The following CACNA2D3 variants were observed in gnomAD, a reference collection of about 807,000 sequenced individuals.
CACNA2D3 encodes voltage-dependent calcium channel subunit alpha-2/delta-3.
A neutral mutation model predicts 160.6 loss-of-function variants in CACNA2D3; 60 were observed. The ratio of observed to expected loss-of-function variants is 0.37; its 90% CI spans 0.30 to 0.46. The LOEUF is 0.46. CACNA2D3 is among the 20% of genes least tolerant of loss of function. The pLI is 1.00. For synonymous variants in CACNA2D3, 558 were observed against 492.9 expected (o/e 1.13, Z -1.75); for missense variants, 1,205 against 1,365.0 (o/e 0.88, Z 1.85).
intron 27 of CACNA2D3, among the ~76,000 whole-genome samples, chr3:54,938,198 C>G (rs980893780): frequency 6.6e-6 from 1 of 152,248 alleles, no homozygotes; most frequent in African/African-American, 2.4e-5. Context: ...CAAGGAAGAA[C>G]CAGCCCTGCT....
At chr3:54,822,761 TCTTTCTTTCTTTCTTTCTTTCTTTCTTTC>T (rs1559595444) in intron 14 of CACNA2D3, among the ~76,000 whole-genome samples, 12 of 84,318 alleles carry the variant, frequency 1.4e-4, no homozygotes, top group East Asian at 3.5e-4. Context: ...TTTCTTTCTT[TCTTTCTTTCTTTCTTTCTTTCTTTCTTTC>T]CTTTCTTTCT....
chr3:55,024,969 C>G (rs1424761161), intron 35 of CACNA2D3, among the ~76,000 whole-genome samples: 1 of 152,122 alleles, frequency 6.6e-6, no homozygotes, highest in East Asian at 1.9e-4. Flanking sequence ...TGATTGAGAT[C>G]CTTTTTGACC....
intron 27 of CACNA2D3, among the ~76,000 whole-genome samples, chr3:54,922,810 C>T (rs1278034568): frequency 1.3e-5 from 2 of 152,150 alleles, no homozygotes; most frequent in Non-Finnish European, 2.9e-5. Flanking sequence ...CTCCCCAACA[C>T]ACTCACTCAC....
intron 2 of CACNA2D3, among the ~76,000 whole-genome samples, chr3:54,246,886 T>G (rs1702091954): frequency 6.6e-6 from 1 of 152,176 alleles, no homozygotes; most frequent in Admixed American, 6.5e-5. Flanking sequence ...TTAATTTCAC[T>G]TAACAACAAG....
At chr3:54,767,052 T>G (rs1702239200) in intron 13 of CACNA2D3, among the ~76,000 whole-genome samples, 1 of 151,446 alleles carries the variant, frequency 6.6e-6, no homozygotes, top group African/African-American at 2.4e-5. Context: ...ACCTCCCACA[T>G]CTTATTAGGA....
chr3:54,790,109 C>T (rs1420183531), intron 13 of CACNA2D3, among the ~76,000 whole-genome samples: 1 of 152,200 alleles, frequency 6.6e-6, no homozygotes, highest in Non-Finnish European at 1.5e-5. Flanking sequence ...GTTAGGAACA[C>T]AGGCCCTGGA....
At chr3:54,927,785 A>G (rs556072641) in intron 27 of CACNA2D3, 2 of 1,050,010 alleles carry the variant, frequency 1.9e-6, no homozygotes, top group Admixed American at 1.7e-5. Flanking sequence ...CATTTTTCAT[A>G]TCTGTCCAGT....
In CACNA2D3 at chr3:54,286,856, A is replaced by C. The variant is rs538093853; in HGVS notation, c.205-33586A>C. ...TTCGTAAGTGAAGGAGAAATAAAAT[A>C]CTTTACAGACAAGCAAATGCTGAGA... On this transcript the variant is annotated intron_variant, in intron 2 of 37. Coordinates refer to ENST00000474759, the MANE Select transcript of CACNA2D3 (RefSeq NM_018398.3). Among the ~76,000 whole-genome samples, 41 of 152,150 alleles carry C rather than the reference A, an allele frequency of 2.7e-4. 1 individual carries two copies. The highest frequency in any genetic ancestry group is 6.8e-3 in the Middle Eastern group (2 of 294).
At chr3:54,218,982 T>C (rs1701515285) in intron 2 of CACNA2D3, among the ~76,000 whole-genome samples, 1 of 152,210 alleles carries the variant, frequency 6.6e-6, no homozygotes, top group African/African-American at 2.4e-5. Context: ...CAAAGTCTCT[T>C]TTTTCATGTA....
At chr3:54,411,720 A>C (rs113077611) in intron 4 of CACNA2D3, among the ~76,000 whole-genome samples, 1 of 152,192 alleles carries the variant, frequency 6.6e-6, no homozygotes, top group Non-Finnish European at 1.5e-5. Context: ...CTAAACCTAC[A>C]GTATCTCTGA....
Position 54,328,357 on chromosome 3 carries a change from C to G in CACNA2D3, c.321+7799C>G, listed in dbSNP as rs1704165396. 2.0e-5 allele frequency among the ~76,000 whole-genome samples: 3 copies of G among 152,228 alleles called. No individual in the cohort carries two copies. The South Asian group carries it at 6.2e-4, about 32-fold the overall frequency. Reference sequence around the variant, plus strand: ...AGTGCAATGGCCCGATCTTGGCTCACTGCCACCTCCGCCTCCCGGGTTCAA... The same window carrying G: ...AGTGCAATGGCCCGATCTTGGCTCAGTGCCACCTCCGCCTCCCGGGTTCAA... On this transcript the variant is annotated intron_variant, in intron 3 of 37. Transcript: ENST00000474759.
At chr3:54,578,936 T>G (rs1259894627) in intron 8 of CACNA2D3, among the ~76,000 whole-genome samples, 1 of 152,114 alleles carries the variant, frequency 6.6e-6, no homozygotes, top group Non-Finnish European at 1.5e-5. Context: ...TGAAGGTGAA[T>G]TAGTGTATTC....
At chr3:54,424,506 C>A (rs1699884890) in intron 4 of CACNA2D3, among the ~76,000 whole-genome samples, 1 of 152,172 alleles carries the variant, frequency 6.6e-6, no homozygotes, top group African/African-American at 2.4e-5. Context: ...TCCTGATGGG[C>A]CTGAGCCTCT....
At chr3:54,441,679 A>G (rs1444307769) in intron 4 of CACNA2D3, among the ~76,000 whole-genome samples, 2 of 152,174 alleles carry the variant, frequency 1.3e-5, no homozygotes, top group East Asian at 3.9e-4. Flanking sequence ...AAGGTGTATA[A>G]TTCATTGCAC....
chr3:54,554,388 C>T (rs946996425), intron 5 of CACNA2D3, among the ~76,000 whole-genome samples: 6 of 152,088 alleles, frequency 3.9e-5, no homozygotes, highest in African/African-American at 9.7e-5. Flanking sequence ...CAATATTTGT[C>T]GAGTAAACAA....
At chr3:54,615,295 C>G (rs564485755) in intron 9 of CACNA2D3, among the ~76,000 whole-genome samples, 1 of 152,202 alleles carries the variant, frequency 6.6e-6, no homozygotes, top group Non-Finnish European at 1.5e-5. Context: ...GAATGAATAG[C>G]AAATAAATAA....
intron 13 of CACNA2D3, among the ~76,000 whole-genome samples, chr3:54,802,475 C>G (rs913389475): frequency 6.6e-6 from 1 of 152,100 alleles, no homozygotes; most frequent in Non-Finnish European, 1.5e-5. Context: ...GAAATTACTC[C>G]TGAGTATTTT....
At chr3:54,603,049 G>C (rs921338609) in intron 9 of CACNA2D3, among the ~76,000 whole-genome samples, 1 of 152,122 alleles carries the variant, frequency 6.6e-6, no homozygotes, top group Non-Finnish European at 1.5e-5. Context: ...CTCTCTGTTC[G>C]GTGTCACTAT....
intron 2 of CACNA2D3, among the ~76,000 whole-genome samples, chr3:54,150,424 G>A (rs1700126079): frequency 6.6e-6 from 1 of 152,116 alleles, no homozygotes; most frequent in Admixed American, 6.5e-5. Context: ...GCTCTCCTCA[G>A]CCCCCTTCCC....
Sources: gnomAD v4.1 joint callset for allele counts (sites outside exome capture counted in the v4.1 genomes callset) on GRCh38, gnomAD v4.1.1 for gene constraint, MANE v1.5 for transcripts, NCBI Gene and HGNC (gene_info 2026-07-23, HGNC 2026-07-21) for gene names.